The following FBN2 variants were observed in gnomAD, a reference collection of about 807,000 sequenced individuals.
The protein encoded by FBN2 is fibrillin 2, also known as fibrillin-2.
Under a neutral mutation model 355.6 loss-of-function variants are expected in FBN2, and 105 were observed. The ratio of observed to expected loss-of-function variants is 0.30; its 90% CI spans 0.25 to 0.35. The LOEUF (loss-of-function observed/expected upper bound fraction) is 0.35, where lower values mean the gene tolerates loss of function less well. Ranked by LOEUF, FBN2 falls within the 10% of genes least tolerant of loss-of-function variation. The pLI is 1.00. For synonymous variants in FBN2, 1,350 were observed against 1,301.2 expected (o/e 1.04, Z -0.81); for missense variants, 3,280 against 3,758.7 (o/e 0.87, Z 3.33).
chr5:128,479,988 A>C (rs57230010), intron 5 of FBN2, among the ~76,000 whole-genome samples: 962 of 22,958 alleles, frequency 0.042, 3 homozygotes, highest in East Asian at 0.092. Context: ...ATATATATAT[A>C]TATATATATA....
rs750508280 is a variant in FBN2 at position 128,328,708 on chromosome 5, T to C, written c.4459A>G (p.Arg1487Gly). 6.2e-7 allele frequency: 1 copy of C among 1,614,172 alleles called. No individual in the cohort carries two copies. Among genetic ancestry groups the C allele is most frequent in the East Asian group, 2.2e-5 (1 of 44,886 alleles). The change falls in exon 34 of 65, where the codon AGA becomes GGA. Residue 1487 changes from arginine (R) to glycine (G), a missense_variant. Around this residue, in one of 6 missense-constraint regions of FBN2, gnomAD observed 2,284 missense variants for 2,749.5 expected, o/e 0.83. Coordinates refer to ENST00000262464, the MANE Select transcript of FBN2 (RefSeq NM_001999.4). ...EMGFTPASDSRSCQDIDECSF... is the reference protein window; with the variant it reads ...EMGFTPASDSGSCQDIDECSF... ...CCTGGTGACCCACCTTGGCAGGATC[T>C]GCTGTCTGAGGCTGGAGTGAAGCCC...
At position 128,441,549 on chromosome 5, in the gene FBN2, G is replaced by T. The variant is rs765326509; in HGVS notation, c.952+4932C>A. On this transcript the variant is annotated intron_variant, in intron 7 of 64. Coordinates refer to ENST00000262464, the MANE Select transcript of FBN2 (RefSeq NM_001999.4). ...ACTAACCTCACAGCTCTGTGGTGATGATTTAATAAGATAACCCATGTAAAG... is the reference window on the plus strand; with the variant it reads ...ACTAACCTCACAGCTCTGTGGTGATTATTTAATAAGATAACCCATGTAAAG... Among the ~76,000 whole-genome samples the T allele has an allele frequency of 4.3e-4, 66 of 152,306 alleles. 1 individual carries two copies. In the Middle Eastern group the frequency reaches 0.01, roughly 24 times the overall value.
At chr5:128,300,713 G>T in intron 48 of FBN2, 104 bp downstream of exon 48, 1 of 1,133,380 alleles carries the variant, frequency 8.8e-7, no homozygotes. Context: ...AATTCCTTAG[G>T]TCAGCATGCT....
At chr5:128,274,286 T>C (rs1361907708) in intron 60 of FBN2, among the ~76,000 whole-genome samples, 1 of 152,230 alleles carries the variant, frequency 6.6e-6, no homozygotes, top group Non-Finnish European at 1.5e-5. Flanking sequence ...CCTTTAATCA[T>C]ATTTTGTCTG....
intron 4 of FBN2, among the ~76,000 whole-genome samples, chr5:128,519,618 G>A (rs965053266): frequency 2.0e-5 from 3 of 151,632 alleles, no homozygotes; most frequent in African/African-American, 7.3e-5. Flanking sequence ...TTGGTAAAAG[G>A]TTTTTTGTTT....
chr5:128,275,953 T>C, intron 59 of FBN2, 85 bp downstream of exon 59: 8 of 1,466,300 alleles, frequency 5.5e-6, no homozygotes, highest in Non-Finnish European at 7.6e-6. Flanking sequence ...GTGATGCACA[T>C]GGCATAATTC....
intron 31 of FBN2, among the ~76,000 whole-genome samples, chr5:128,333,388 G>T (rs1397852330): frequency 2.6e-5 from 4 of 152,042 alleles, no homozygotes; most frequent in African/African-American, 9.7e-5. Flanking sequence ...CAGATCAAGA[G>T]AAATCTTATT....
At chr5:128,285,603 C>A (rs749399127) in intron 55 of FBN2, among the ~76,000 whole-genome samples, 2 of 151,988 alleles carry the variant, frequency 1.3e-5, no homozygotes, top group South Asian at 4.2e-4. Flanking sequence ...CAACACCCAC[C>A]CCCACCACTC....
chr5:128,442,654 G>A (rs1487775248), intron 7 of FBN2, among the ~76,000 whole-genome samples: 2 of 152,078 alleles, frequency 1.3e-5, no homozygotes, highest in African/African-American at 4.8e-5. Context: ...AAATAAACAT[G>A]GCTGCAGTGA....
chr5:128,363,135 C>A (rs399731), intron 18 of FBN2, among the ~76,000 whole-genome samples: 1 of 151,880 alleles, frequency 6.6e-6, no homozygotes, highest in Non-Finnish European at 1.5e-5. Flanking sequence ...GTGACTGCAT[C>A]ACAATTTTCT....
At chr5:128,299,846 C>T (rs1749664825) in intron 48 of FBN2, among the ~76,000 whole-genome samples, 1 of 152,068 alleles carries the variant, frequency 6.6e-6, no homozygotes, top group Non-Finnish European at 1.5e-5. Context: ...TTGGCTCCTC[C>T]CCCCTTAAAC....
chr5:128,323,721 A>G (rs1750458789), intron 34 of FBN2, among the ~76,000 whole-genome samples: 2 of 152,150 alleles, frequency 1.3e-5, no homozygotes, highest in African/African-American at 2.4e-5. Flanking sequence ...CTTTGCATCA[A>G]TGTTCATCGG....
Position 128,527,956 on chromosome 5 carries a change from T to C in FBN2, c.448A>G (p.Ser150Gly), listed in dbSNP as rs1251407394. 2 of 1,610,510 alleles carry C rather than the reference T, an allele frequency of 1.2e-6. No individual in the cohort carries two copies. The highest frequency in any genetic ancestry group is 2.2e-5 in the East Asian group (1 of 44,824). ...GTCCCACCATTCATGCATCTCACAC[T>C]GCACTGCTGAACTGCAAAGAGCAAT... Reference protein sequence around the residue: ...TCGSKSIQQCSVRCMNGGTCA... With the variant: ...TCGSKSIQQCGVRCMNGGTCA... The change falls in exon 4 of 65, where the codon AGT becomes GGT. Residue 150 changes from serine to glycine, a missense_variant. By Grantham distance (56) the Ser-to-Gly change is moderately conservative. Around this residue, in one of 6 missense-constraint regions of FBN2, gnomAD observed 130 missense variants for 189.9 expected, o/e 0.68. Coordinates refer to ENST00000262464, the MANE Select transcript of FBN2 (RefSeq NM_001999.4).
intron 7 of FBN2, among the ~76,000 whole-genome samples, chr5:128,426,596 C>T (rs956203108): frequency 8.5e-5 from 13 of 152,138 alleles, no homozygotes; most frequent in African/African-American, 3.1e-4. Flanking sequence ...TTTCCAATCC[C>T]CTTCAGATAA....
chr5:128,371,187 G>A (rs1751924252), intron 15 of FBN2: 1 of 152,052 alleles, frequency 6.6e-6, no homozygotes, highest in Non-Finnish European at 1.5e-5. Context: ...TATCAGTTGA[G>A]ATAACTCACT....
chr5:128,357,971 A>T (rs1471594049), intron 19 of FBN2, among the ~76,000 whole-genome samples: 2 of 152,118 alleles, frequency 1.3e-5, no homozygotes, highest in Non-Finnish European at 2.9e-5. Flanking sequence ...AATACAACTA[A>T]TTTTGGTAAA....
intron 44 of FBN2, among the ~76,000 whole-genome samples, 183 bp from the exon 45 acceptor site, chr5:128,305,265 C>T (rs1299281868): frequency 2.6e-5 from 4 of 151,950 alleles, no homozygotes; most frequent in African/African-American, 9.7e-5. Context: ...TTTAATCATG[C>T]AAATTTTTTT....
chr5:128,369,833 C>T (rs1751884858), intron 15 of FBN2, among the ~76,000 whole-genome samples: 1 of 152,184 alleles, frequency 6.6e-6, no homozygotes, highest in African/African-American at 2.4e-5. Flanking sequence ...CCCCAGGATA[C>T]TGCTTGTGAC....
At chr5:128,537,032 G>A (rs1165918107) in intron 1 of FBN2, among the ~76,000 whole-genome samples, 13 of 152,194 alleles carry the variant, frequency 8.5e-5, no homozygotes, top group African/African-American at 3.1e-4. Flanking sequence ...GGCGGACCCA[G>A]GCCCGCCTGC....
Sources: allele counts gnomAD v4.1 joint callset (sites outside exome capture counted in the v4.1 genomes callset), GRCh38; gene constraint gnomAD v4.1.1; regional missense constraint gnomAD v4.1.1; transcripts MANE v1.5; gene names NCBI Gene and HGNC (gene_info 2026-07-23, HGNC 2026-07-21).